Variants in PRKCQ observed in about 807,000 individuals in gnomAD.
PRKCQ encodes the protein protein kinase C theta.
PRKCQ carries 41 observed loss-of-function variants against 91.2 expected under a neutral mutation model. That is an observed-to-expected ratio of 0.45 (90% CI 0.35 to 0.58). PRKCQ has a LOEUF of 0.58. Ranked by LOEUF, PRKCQ falls within the 20% of genes least tolerant of loss-of-function variation. PRKCQ has a pLI of 0.00. For synonymous variants in PRKCQ, 307 were observed against 316.9 expected (o/e 0.97, Z 0.33); for missense variants, 673 against 896.5 (o/e 0.75, Z 3.18).
At chr10:6,417,086 C>T in the PRKCQ span, among the ~76,000 whole-genome samples, 1 of 152,222 alleles carries the variant, frequency 6.6e-6, no homozygotes, top group African/African-American at 2.4e-5. Flanking sequence ...GTCTCCACCT[C>T]ACCATATAAC....
intron 1 of PRKCQ, among the ~76,000 whole-genome samples, chr10:6,568,231 C>G (rs956371572): frequency 6.6e-6 from 1 of 151,574 alleles, no homozygotes; most frequent in Non-Finnish European, 1.5e-5. Context: ...AAGAAAAAAA[C>G]AAAACAAAAC....
chr10:6,576,435 A>G lies in PRKCQ; in HGVS notation c.-10+3776T>C, dbSNP rs1459633753. Among the ~76,000 whole-genome samples, 1 of 152,236 alleles carries G rather than the reference A, an allele frequency of 6.6e-6. No homozygotes were observed. Among genetic ancestry groups the G allele is most frequent in the Non-Finnish European group, 1.5e-5 (1 of 68,038 alleles). ...GCTTGAGAACACTATGCTAAGTGAA[A>G]TAAGACAGTTACAAAAGGATGGATA... is the stretch of plus-strand genomic sequence containing the variant. On this transcript the variant is annotated intron_variant, in intron 1 of 17. Coordinates refer to ENST00000263125, the MANE Select transcript of PRKCQ (RefSeq NM_006257.5). This position sits in a 1 kb window ranked among gnomAD's most constrained non-coding sequence, Gnocchi z 4.2.
rs1020168479 is a variant in PRKCQ at position 6,554,563 on chromosome 10, C to T, written c.-10+25648G>A. The stretch of plus-strand genomic sequence containing the variant: ...ACTACATCCACTGTAGAAAGAGGCA[C>T]GGCTCACTCATCGCCACCTCAGGAA... On this transcript the variant is annotated intron_variant, in intron 1 of 17. Coordinates refer to ENST00000263125, the MANE Select transcript of PRKCQ (RefSeq NM_006257.5). 3.9e-5 allele frequency among the ~76,000 whole-genome samples: 6 copies of T among 152,128 alleles called. No homozygotes were observed. In the South Asian group the frequency reaches 6.2e-4, roughly 16 times the overall value.
At chr10:6,546,280 G>A (rs979642868) in intron 1 of PRKCQ, among the ~76,000 whole-genome samples, 5 of 152,120 alleles carry the variant, frequency 3.3e-5, no homozygotes, top group Non-Finnish European at 7.4e-5. Context: ...AGTAAAATGG[G>A]GTGCCAGTGG....
intron 4 of PRKCQ, among the ~76,000 whole-genome samples, chr10:6,507,030 T>C (rs574163745): frequency 6.6e-6 from 1 of 152,356 alleles, no homozygotes; most frequent in South Asian, 2.1e-4. Context: ...ATGGAATATA[T>C]TGATTGACTT....
chr10:6,456,145 T>C (rs1449717749), intron 15 of PRKCQ, among the ~76,000 whole-genome samples: 1 of 152,084 alleles, frequency 6.6e-6, no homozygotes, highest in Non-Finnish European at 1.5e-5. Flanking sequence ...GTCTTCTTCT[T>C]ATTTTTTAAT....
intron 11 of PRKCQ, among the ~76,000 whole-genome samples, chr10:6,480,989 A>T (rs1836567288): frequency 6.6e-6 from 1 of 152,236 alleles, no homozygotes; most frequent in Admixed American, 6.5e-5. Context: ...GAGGAAACAT[A>T]CTTTCCACAT....
At chr10:6,479,948 T>A (rs930993624) in intron 11 of PRKCQ, among the ~76,000 whole-genome samples, 3 of 151,518 alleles carry the variant, frequency 2.0e-5, no homozygotes, top group African/African-American at 7.3e-5. Flanking sequence ...TGAGACTGTG[T>A]CTCAAAATAA....
chr10:6,446,299 A>G lies in PRKCQ; in HGVS notation c.1648-4218T>C, dbSNP rs113758661. The stretch of plus-strand genomic sequence containing the variant: ...GATTTTACCACGTGATGTTCCTTCC[A>G]TAGCATAATGTGCCTCTTGGTTTTA... On this transcript the variant is annotated intron_variant, in intron 15 of 17. Coordinates refer to ENST00000263125, the MANE Select transcript of PRKCQ (RefSeq NM_006257.5). Among the ~76,000 whole-genome samples the G allele has an allele frequency of 3.6e-4, 54 of 150,682 alleles. 1 individual carries two copies. The highest frequency in any genetic ancestry group is 1.3e-3 in the African/African-American group (53 of 40,900).
chr10:6,500,838 A>ACATTATT (rs1448126569), intron 4 of PRKCQ, among the ~76,000 whole-genome samples: 2 of 152,190 alleles, frequency 1.3e-5, no homozygotes, highest in African/African-American at 4.8e-5. Flanking sequence ...CTGAAGAAAC[A>ACATTATT]CATTATTCCT....
the PRKCQ span, among the ~76,000 whole-genome samples, chr10:6,395,101 C>T: frequency 3.8e-5 from 5 of 133,118 alleles, no homozygotes; most frequent in East Asian, 2.0e-4. Context: ...CTCGCTCTGT[C>T]TCCCAGGCTG....
At chr10:6,490,951 G>T (rs1437414268) in intron 8 of PRKCQ, among the ~76,000 whole-genome samples, 2 of 151,500 alleles carry the variant, frequency 1.3e-5, no homozygotes. Flanking sequence ...GCTTCTAAAC[G>T]TTATCGCCTT....
At chr10:6,471,814 T>G (rs1459025255) in intron 12 of PRKCQ, among the ~76,000 whole-genome samples, 6 of 152,082 alleles carry the variant, frequency 3.9e-5, no homozygotes, top group Non-Finnish European at 8.8e-5. Flanking sequence ...GGATAGTAGA[T>G]TCACAGAAGG....
the PRKCQ span, among the ~76,000 whole-genome samples, chr10:6,403,570 G>T: frequency 6.6e-6 from 1 of 152,282 alleles, no homozygotes; most frequent in East Asian, 1.9e-4. Context: ...GGTAACCACA[G>T]AAACAAAGCT....
intron 1 of PRKCQ, among the ~76,000 whole-genome samples, chr10:6,552,604 C>T (rs778357307): frequency 2.4e-4 from 37 of 152,148 alleles, no homozygotes; most frequent in Non-Finnish European, 4.3e-4. Flanking sequence ...AGTTACACTG[C>T]AGGCATGCAC....
chr10:6,525,133 G>A (rs1022352153), intron 1 of PRKCQ, among the ~76,000 whole-genome samples: 1 of 150,934 alleles, frequency 6.6e-6, no homozygotes. Flanking sequence ...AATGACTATG[G>A]ATTTATTTTA....
Position 6,483,570 on chromosome 10 carries a change from A to G in PRKCQ, c.1049T>C (p.Leu350Ser). The change falls in exon 11 of 18, where the codon TTG becomes TCG. Residue 350 changes from leucine (L) to serine (S), a missense_variant. Leu to Ser is a moderately radical substitution (Grantham distance 145, BLOSUM62 -2). Transcript: ENST00000263125. ...EPQGISWESP[L>S]DEVDKMCHLP... ...ATGGCACATTTTATCCACCTCATCC[A>G]ACGGAGACTCCCAGGAAATGCCCTG... The G allele has an allele frequency of 6.2e-7, 1 of 1,614,228 alleles. No individual in the cohort carries two copies. The highest frequency in any genetic ancestry group is 8.5e-7 in the Non-Finnish European group (1 of 1,180,036).
chr10:6,415,172 A>G, the PRKCQ span, among the ~76,000 whole-genome samples: 1 of 151,552 alleles, frequency 6.6e-6, no homozygotes, highest in South Asian at 2.1e-4. Flanking sequence ...CATGTTGGCC[A>G]GGTTGGTCTT....
chr10:6,499,931 G>C (rs995120648), intron 4 of PRKCQ, among the ~76,000 whole-genome samples: 1 of 152,222 alleles, frequency 6.6e-6, no homozygotes, highest in African/African-American at 2.4e-5. Context: ...CACATTGTAG[G>C]ACTGAAGTCT....
Sources: allele counts gnomAD v4.1 joint callset (sites outside exome capture counted in the v4.1 genomes callset), GRCh38; gene constraint gnomAD v4.1.1; non-coding constraint Gnocchi (gnomAD v3.1); transcripts MANE v1.5; gene names NCBI Gene and HGNC (gene_info 2026-07-23, HGNC 2026-07-21).